Variants in NPL observed in about 807,000 individuals in gnomAD.
The protein encoded by NPL is N-acetylneuraminate lyase.
A neutral mutation model predicts 41.1 loss-of-function variants in NPL; 32 were observed. The observed-to-expected ratio is 0.78, with a 90% CI of 0.59 to 1.05. The LOEUF (loss-of-function observed/expected upper bound fraction) is 1.05. Ranked by LOEUF, NPL falls within the 50% of genes least tolerant of loss-of-function variation. The pLI is 0.00. For missense variants in NPL, 321 were observed against 378.4 expected, an observed-to-expected ratio of 0.85 and a Z score of 1.26; for synonymous variants, 128 against 134.9, an observed-to-expected ratio of 0.95 and a Z score of 0.35.
At chr1:182,818,454 G>C in intron 8 of NPL, 87 bp from the exon 9 acceptor site, 1 of 1,538,390 alleles carries the variant, frequency 6.5e-7, no homozygotes. Flanking sequence ...AGCAGCGTGT[G>C]GCAGCTCACT....
At chr1:182,796,200 G>A (rs909407691) in intron 3 of NPL, among the ~76,000 whole-genome samples, 1 of 145,272 alleles carries the variant, frequency 6.9e-6, no homozygotes, top group Non-Finnish European at 1.5e-5. Context: ...TGCATTATGT[G>A]TAGGCTCTTT....
At position 182,829,144 on chromosome 1, in the gene NPL, TTC is replaced by T; in HGVS notation, c.*238_*239del. The stretch of plus-strand genomic sequence containing the variant: ...TTCACAGATTTTTTTGTGGAGAAAT[TTC>T]TGTTTATATGGATGAAATGGAATCA... On this transcript the variant is annotated 3_prime_UTR_variant, in exon 13 of 13. Transcript: ENST00000367553. The T allele has an allele frequency of 2.2e-6, 3 of 1,372,424 alleles. No individual in the cohort carries two copies. Among genetic ancestry groups the T allele is most frequent in the Admixed American group, 3.3e-5 (1 of 30,538 alleles). The allele number at this position is 1,372,424 out of a possible 1,614,324, so 85.0% of individuals were successfully genotyped here.
rs563012127 is a variant in NPL at position 182,793,565 on chromosome 1, A to G, written c.-16-791A>G. Among the ~76,000 whole-genome samples the G allele has an allele frequency of 2.0e-5, 3 of 152,308 alleles. No individual in the cohort carries two copies. In the South Asian group the frequency reaches 6.2e-4, roughly 32 times the overall value. ...GCAAATGAAACATCCCTGTCCTGGG[A>G]GCCTGCTGTAGTGGGGAAGAGGGAG... On this transcript the variant is annotated intron_variant, in intron 2 of 12. Coordinates refer to ENST00000367553, the MANE Select transcript of NPL (RefSeq NM_030769.3).
intron 11 of NPL, 23 bp downstream of exon 11, chr1:182,822,222 A>G (rs759571991): frequency 2.7e-6 from 4 of 1,496,420 alleles, no homozygotes; most frequent in East Asian, 2.3e-5. Context: ...TTCTCTTCCC[A>G]TAAATCACAG....
intron 4 of NPL, among the ~76,000 whole-genome samples, chr1:182,805,684 G>A (rs962455463): frequency 1.3e-5 from 2 of 152,038 alleles, no homozygotes; most frequent in African/African-American, 2.4e-5. Flanking sequence ...TCTAAAAAAC[G>A]AGTTGTCCTA....
At chr1:182,790,885 C>G (rs1250912179) in intron 1 of NPL, among the ~76,000 whole-genome samples, 1 of 152,156 alleles carries the variant, frequency 6.6e-6, no homozygotes, top group Non-Finnish European at 1.5e-5. Context: ...TCAGGTGATC[C>G]GCCCACCTCG....
chr1:182,804,089 C>T (rs1243431029), intron 4 of NPL, among the ~76,000 whole-genome samples: 1 of 152,114 alleles, frequency 6.6e-6, no homozygotes, highest in Non-Finnish European at 1.5e-5. Flanking sequence ...AGAGTAACAA[C>T]CAAACCCTCT....
chr1:182,822,259 C>A (rs1332749702), intron 11 of NPL, 60 bp downstream of exon 11: 7 of 1,126,096 alleles, frequency 6.2e-6, no homozygotes, highest in Non-Finnish European at 9.5e-6. Context: ...CTTGAGGATT[C>A]TTTTTCTTCT....
intron 2 of NPL, among the ~76,000 whole-genome samples, chr1:182,792,497 G>C (rs1212378614): frequency 6.6e-6 from 1 of 152,180 alleles, no homozygotes; most frequent in Non-Finnish European, 1.5e-5. Flanking sequence ...GATGGCTTAG[G>C]TTATGGGCCT....
intron 3 of NPL, among the ~76,000 whole-genome samples, chr1:182,798,233 CTTT>C (rs58974453): frequency 3.8e-5 from 5 of 129,994 alleles, no homozygotes; most frequent in Admixed American, 7.8e-5. Context: ...GAAAGACTTG[CTTT>C]TTTTTTTTTT....
At chr1:182,827,423 A>T (rs1667658689) in intron 12 of NPL, among the ~76,000 whole-genome samples, 1 of 152,218 alleles carries the variant, frequency 6.6e-6, no homozygotes, top group African/African-American at 2.4e-5. Context: ...GAATGTTTTG[A>T]CTACATTTAC....
intron 5 of NPL, chr1:182,809,856 T>G (rs1667126979): frequency 6.6e-6 from 1 of 152,150 alleles, no homozygotes; most frequent in Non-Finnish European, 1.5e-5. Context: ...TAGCTGTGCC[T>G]AGCAGCCCAG....
chr1:182,829,678 G>A lies in NPL; in HGVS notation c.*770G>A. ...ACCACAAACTTCCCCTTCCTCCACTGAGAAGACTGTCTCTCCCGCAGGACC... is the reference window on the plus strand; with the variant it reads ...ACCACAAACTTCCCCTTCCTCCACTAAGAAGACTGTCTCTCCCGCAGGACC... On this transcript the variant is annotated 3_prime_UTR_variant, in exon 13 of 13. Transcript: ENST00000367553. 1 of 1,520,604 alleles carries A rather than the reference G, an allele frequency of 6.6e-7. No individual in the cohort carries two copies. The highest frequency in any genetic ancestry group is 8.9e-7 in the Non-Finnish European group (1 of 1,119,322). 94.2% of individuals were successfully genotyped at this position (1,520,604 alleles called of 1,614,324 possible).
chr1:182,818,759 C>A, intron 9 of NPL, 54 bp from the exon 10 acceptor site: 1 of 1,613,130 alleles, frequency 6.2e-7, no homozygotes, highest in Non-Finnish European at 8.5e-7. Context: ...TATATAGTAG[C>A]ATCTCTTCTC....
chr1:182,806,245 A>C lies in NPL; in HGVS notation c.230+13A>C. ...AAGGGAAGGACAAGTGAGTGGCTGCATGAGGATAAAAATGCCCTTTGGCAA... is the reference window on the plus strand; with the variant it reads ...AAGGGAAGGACAAGTGAGTGGCTGCCTGAGGATAAAAATGCCCTTTGGCAA... On this transcript the variant is annotated intron_variant, in intron 5 of 12. Transcript: ENST00000367553. The C allele has an allele frequency of 1.9e-6, 3 of 1,614,180 alleles. No homozygotes were observed. The highest frequency in any genetic ancestry group is 2.5e-6 in the Non-Finnish European group (3 of 1,180,024).
At chr1:182,811,433 T>C (rs1266225143) in intron 5 of NPL, among the ~76,000 whole-genome samples, 1 of 152,066 alleles carries the variant, frequency 6.6e-6, no homozygotes, top group Admixed American at 6.6e-5. Flanking sequence ...TTTGCCATGT[T>C]GCCCAGGCTG....
intron 3 of NPL, among the ~76,000 whole-genome samples, chr1:182,796,073 C>T (rs1666655188): frequency 6.8e-6 from 1 of 147,602 alleles, no homozygotes. Flanking sequence ...TTCCGTTTCC[C>T]AAAAATCTGT....
intron 10 of NPL, among the ~76,000 whole-genome samples, chr1:182,819,377 C>T (rs1426862232): frequency 6.6e-6 from 1 of 151,580 alleles, no homozygotes; most frequent in African/African-American, 2.4e-5. Flanking sequence ...AACCGGAAGG[C>T]GGAGGTTGCA....
intron 5 of NPL, among the ~76,000 whole-genome samples, chr1:182,810,449 CCAGTAT>C (rs1220741454): frequency 2.0e-5 from 3 of 152,134 alleles, no homozygotes; most frequent in Non-Finnish European, 4.4e-5. Flanking sequence ...CAAAAATATC[CCAGTAT>C]CATACCTATC....
Sources: allele counts gnomAD v4.1 joint callset (sites outside exome capture counted in the v4.1 genomes callset), GRCh38; gene constraint gnomAD v4.1.1; transcripts MANE v1.5; gene names NCBI Gene and HGNC (gene_info 2026-07-23, HGNC 2026-07-21).